CSMD1: variants seen among roughly 807,000 people sequenced by gnomAD.
CSMD1 encodes CUB and sushi domain-containing protein 1.
In CSMD1, 213 loss-of-function variants were observed where a neutral mutation model predicts 417.5. The ratio of observed to expected loss-of-function variants is 0.51; its 90% confidence interval spans 0.46 to 0.57. The LOEUF (loss-of-function observed/expected upper bound fraction) is 0.57, where lower values mean the gene tolerates loss of function less well. Ranked by LOEUF, CSMD1 falls within the 20% of genes least tolerant of loss-of-function variation. The pLI is 0.00. For synonymous variants in CSMD1, 2,862 were observed against 1,736.8 expected, an observed-to-expected ratio of 1.65 and a Z score of -16.11; for missense variants, 6,923 against 4,529.7, an observed-to-expected ratio of 1.53 and a Z score of -15.17.
chr8:4,714,988 C>G (rs991064578), intron 1 of CSMD1, among the ~76,000 whole-genome samples: 1 of 152,152 alleles, frequency 6.6e-6, no homozygotes, highest in East Asian at 1.9e-4. Context: ...TCCCTTTATG[C>G]TCACAGATGG....
At chr8:3,587,968 C>G (rs192759499) in intron 8 of CSMD1, among the ~76,000 whole-genome samples, 2 of 152,046 alleles carry the variant, frequency 1.3e-5, no homozygotes, top group African/African-American at 4.8e-5. Context: ...GTCGTGATTC[C>G]CATTTTCATT....
At chr8:4,729,929 C>T (rs910591062) in intron 1 of CSMD1, among the ~76,000 whole-genome samples, 4 of 152,120 alleles carry the variant, frequency 2.6e-5, no homozygotes, top group African/African-American at 4.8e-5. Context: ...TCATCCTTTC[C>T]ATGGAATGAC....
intron 20 of CSMD1, among the ~76,000 whole-genome samples, chr8:3,364,597 T>A (rs1042657515): frequency 1.3e-5 from 2 of 152,180 alleles, no homozygotes; most frequent in Admixed American, 1.3e-4. Flanking sequence ...ATCCCCTTTT[T>A]GGGAGTGTTT....
intron 8 of CSMD1, among the ~76,000 whole-genome samples, chr8:3,586,584 G>A (rs763069493): frequency 1.1e-4 from 17 of 152,048 alleles, no homozygotes; most frequent in Non-Finnish European, 1.5e-4. Flanking sequence ...GAAAATAAAT[G>A]TGAAGAAATT....
At chr8:3,209,522 T>C (rs953934354) in intron 30 of CSMD1, among the ~76,000 whole-genome samples, 3 of 152,052 alleles carry the variant, frequency 2.0e-5, no homozygotes, top group Non-Finnish European at 2.9e-5. Flanking sequence ...GGTTTCACCA[T>C]GTTAGCCAGG....
At chr8:3,761,763 C>A (rs547881881) in intron 5 of CSMD1, among the ~76,000 whole-genome samples, 171 of 152,230 alleles carry the variant, frequency 1.1e-3, no homozygotes, top group Middle Eastern at 3.4e-3. Flanking sequence ...GCTTAGGCCT[C>A]CTAAAGTGCT....
chr8:4,201,726 G>C (rs1486614383), intron 3 of CSMD1, among the ~76,000 whole-genome samples: 4 of 151,992 alleles, frequency 2.6e-5, no homozygotes, highest in Non-Finnish European at 2.9e-5. Context: ...AAAATAGTTT[G>C]AAAAACATGA....
intron 10 of CSMD1, among the ~76,000 whole-genome samples, chr8:3,536,702 A>G (rs1798215135): frequency 6.6e-6 from 1 of 152,246 alleles, no homozygotes; most frequent in East Asian, 1.9e-4. Context: ...GTGCCCTCAG[A>G]GCAGCCTCCC....
chr8:4,925,788 C>T (rs936011812), intron 1 of CSMD1, among the ~76,000 whole-genome samples: 7 of 152,118 alleles, frequency 4.6e-5, no homozygotes, highest in Non-Finnish European at 1.0e-4. Flanking sequence ...ACCTCGTGAT[C>T]CGCCCTCCTC....
chr8:3,064,375 G>C (rs1314392034), intron 49 of CSMD1, among the ~76,000 whole-genome samples: 1 of 152,062 alleles, frequency 6.6e-6, no homozygotes, highest in Non-Finnish European at 1.5e-5. Context: ...TTCGCCCCTA[G>C]CTCTCTCCCT....
chr8:3,014,799 C>T (rs1490980159), intron 52 of CSMD1, among the ~76,000 whole-genome samples: 1 of 152,080 alleles, frequency 6.6e-6, no homozygotes, highest in Non-Finnish European at 1.5e-5. Context: ...CACTGTGGTC[C>T]AAGCTACTTA....
Position 3,399,507 on chromosome 8 carries a change from T to C in CSMD1, c.2289A>G (p.Thr763=), listed in dbSNP as rs1255224941. 1 of 1,600,874 alleles carries C rather than the reference T, an allele frequency of 6.2e-7. No individual in the cohort carries two copies. The highest frequency in any genetic ancestry group is 8.5e-7 in the Non-Finnish European group (1 of 1,174,270). ...GAGGCAAAATGACTCCGCTGGACGC[T>C]GTCAGATGTCCACCACATGGAGCTA... The part of the protein sequence containing the change: ...RCEAPCGGHL[T]ASSGVILPPG... The change falls in exon 16 of 70, where the codon ACA becomes ACG. Residue 763 remains threonine, a synonymous_variant. Coordinates refer to ENST00000635120, the MANE Select transcript of CSMD1 (RefSeq NM_033225.6).
intron 1 of CSMD1, among the ~76,000 whole-genome samples, chr8:4,920,270 G>A (rs1317935150): frequency 6.6e-6 from 1 of 152,058 alleles, no homozygotes; most frequent in Non-Finnish European, 1.5e-5. Flanking sequence ...ACTTATGACT[G>A]GCTGAAATGA....
chr8:4,415,099 T>C (rs1452256945), intron 3 of CSMD1, among the ~76,000 whole-genome samples: 2 of 152,142 alleles, frequency 1.3e-5, no homozygotes, highest in Non-Finnish European at 2.9e-5. Flanking sequence ...GGAGTAAGTT[T>C]TCTATTGCAA....
chr8:4,876,073 A>G (rs1316456987), intron 1 of CSMD1, among the ~76,000 whole-genome samples: 2 of 152,150 alleles, frequency 1.3e-5, no homozygotes, highest in African/African-American at 2.4e-5. Context: ...ACTAGCAGAT[A>G]GCCTAATGAG....
intron 7 of CSMD1, among the ~76,000 whole-genome samples, chr8:3,629,259 G>C (rs36128374): frequency 1.3e-5 from 2 of 151,954 alleles, no homozygotes; most frequent in South Asian, 2.1e-4. Context: ...AAACCATGAA[G>C]ACCCTTTCTG....
intron 5 of CSMD1, among the ~76,000 whole-genome samples, chr8:3,911,953 AATCTTAC>A (rs1412125600): frequency 6.6e-6 from 1 of 152,174 alleles, no homozygotes; most frequent in Non-Finnish European, 1.5e-5. Flanking sequence ...TGTCCACCTG[AATCTTAC>A]ATCTTCCCAC....
intron 1 of CSMD1, among the ~76,000 whole-genome samples, chr8:4,955,038 A>G (rs1808996304): frequency 6.6e-6 from 1 of 152,126 alleles, no homozygotes; most frequent in East Asian, 1.9e-4. Context: ...TTTTCTCGGG[A>G]CATCCATTGC....
intron 1 of CSMD1, among the ~76,000 whole-genome samples, chr8:4,664,518 A>C (rs115038627): frequency 0.01 from 1,597 of 152,240 alleles, 22 homozygotes; most frequent in African/African-American, 0.036. Flanking sequence ...CCGTGATCAT[A>C]CCACTGCATT....
Sources: allele counts gnomAD v4.1 joint callset (sites outside exome capture counted in the v4.1 genomes callset), GRCh38; gene constraint gnomAD v4.1.1; transcripts MANE v1.5; gene names NCBI Gene and HGNC (gene_info 2026-07-23, HGNC 2026-07-21).